The following ACOT9 variants were observed in gnomAD, a reference collection of about 807,000 sequenced individuals.
ACOT9 encodes the protein acyl-CoA thioesterase 9, also known as acyl-coenzyme A thioesterase 9, mitochondrial.
A neutral mutation model predicts 39.7 loss-of-function variants in ACOT9; 34 were observed. That is an observed-to-expected ratio of 0.86 (90% CI 0.65 to 1.14). ACOT9 has a LOEUF of 1.14. Ranked by LOEUF, ACOT9 falls within the 50% of genes most tolerant of loss-of-function variation. The pLI, the probability that ACOT9 is intolerant of heterozygous loss-of-function variation, is 0.00. For missense variants in ACOT9, 313 were observed against 344.1 expected, an observed-to-expected ratio of 0.91 and a Z score of 0.71; for synonymous variants, 110 against 120.5, an observed-to-expected ratio of 0.91 and a Z score of 0.57.
chrX:23,733,393 C>G (rs746795649), intron 3 of ACOT9, among the ~76,000 whole-genome samples, 176 bp from the exon 4 acceptor site: 4 of 111,782 alleles, frequency 3.6e-5, no homozygotes, highest in Admixed American at 9.6e-5. Context: ...CCTCTGCTCC[C>G]TAAAAACCTG....
At position 23,713,193 on chromosome X, in the gene ACOT9, A is replaced by G. The variant is rs186269629; in HGVS notation, c.604T>C (p.Phe202Leu). 1.7e-6 allele frequency: 2 copies of G among 1,202,404 alleles called. No homozygotes were observed. The highest frequency in any genetic ancestry group is 5.9e-5 in the East Asian group (2 of 33,741). Reference sequence around the variant, plus strand: ...AATGTTGCATCCAAAACAGGACAAAATTCATCACCATGTAACTGAAGAACA... The same window carrying G: ...AATGTTGCATCCAAAACAGGACAAAGTTCATCACCATGTAACTGAAGAACA... ...MQMFQLHGDE[F>L]CPVLDATFVM... Residue 202 changes from phenylalanine (F) to leucine (L), a missense_variant, in exon 9 of 16, where the codon TTT becomes CTT. Coordinates refer to ENST00000379303, the MANE Select transcript of ACOT9 (RefSeq NM_001037171.2).
At chrX:23,706,804 C>T in intron 10 of ACOT9, 65 bp from the exon 11 acceptor site, 1 of 626,848 alleles carries the variant, frequency 1.6e-6, no homozygotes, top group Non-Finnish European at 2.5e-6. Flanking sequence ...GGTATTCTGA[C>T]CTGGGATGCC....
chrX:23,724,040 A>T (rs773519311), intron 6 of ACOT9, among the ~76,000 whole-genome samples: 4 of 111,831 alleles, frequency 3.6e-5, no homozygotes, highest in Non-Finnish European at 7.5e-5. Flanking sequence ...AGGCAGGAAG[A>T]TCACTTGAGC....
chrX:23,704,858 G>C lies in ACOT9; in HGVS notation c.1108-14C>G. 2 of 1,203,135 alleles carry C rather than the reference G, an allele frequency of 1.7e-6. No individual in the cohort carries two copies. The highest frequency in any genetic ancestry group is 2.2e-6 in the Non-Finnish European group (2 of 889,858). On this transcript the variant is annotated splice_polypyrimidine_tract_variant and intron_variant, in intron 14 of 15. Coordinates refer to ENST00000379303, the MANE Select transcript of ACOT9 (RefSeq NM_001037171.2). Reference sequence around the variant, plus strand: ...AGTAAAGCATACCTAACAGATTATAGACACTATAATCAGTCAACTGCATTA... The same window carrying C: ...AGTAAAGCATACCTAACAGATTATACACACTATAATCAGTCAACTGCATTA...
At chrX:23,740,319 C>T (rs1269673116) in intron 1 of ACOT9, among the ~76,000 whole-genome samples, 2 of 109,985 alleles carry the variant, frequency 1.8e-5, no homozygotes, top group Non-Finnish European at 3.8e-5. Context: ...GTTGACCAGG[C>T]TGGTTTTGAA....
chrX:23,704,325 C>T (rs1218512122), intron 15 of ACOT9, among the ~76,000 whole-genome samples: 5 of 99,808 alleles, frequency 5.0e-5, no homozygotes, highest in African/African-American at 1.1e-4. Flanking sequence ...TGCCCGCCAC[C>T]GTGCCCGGCT....
At chrX:23,731,409 G>A (rs775519383) in intron 4 of ACOT9, among the ~76,000 whole-genome samples, 33 of 106,628 alleles carry the variant, frequency 3.1e-4, no homozygotes, top group Non-Finnish European at 5.2e-4. Context: ...CGTGGGAGGC[G>A]GAGGTTGCAA....
chrX:23,724,931 T>C (rs973813380), intron 6 of ACOT9, among the ~76,000 whole-genome samples: 7 of 110,829 alleles, frequency 6.3e-5, no homozygotes, highest in Non-Finnish European at 5.7e-5. Context: ...AGTGAGACTG[T>C]CTCTAAAAAA....
intron 9 of ACOT9, among the ~76,000 whole-genome samples, chrX:23,710,858 C>T (rs1417196122): frequency 9.1e-6 from 1 of 109,721 alleles, no homozygotes; most frequent in African/African-American, 3.3e-5. Context: ...AAAATTAGCT[C>T]GGCATGGTGG....
intron 6 of ACOT9, among the ~76,000 whole-genome samples, chrX:23,723,391 G>A (rs1477737264): frequency 4.5e-5 from 5 of 110,288 alleles, no homozygotes; most frequent in Non-Finnish European, 9.5e-5. Flanking sequence ...CAAGGCAGGC[G>A]GATCACGAGG....
rs184948673 is a variant in ACOT9, at chrX:23,705,069, G to A, written c.1031C>T (p.Pro344Leu). 2.1e-5 allele frequency: 25 copies of A among 1,208,354 alleles called. No homozygotes were observed. In the Admixed American group the frequency reaches 2.2e-4, roughly 11 times the overall value. ...GATGTCATCTACTGCTACCACAAAC[G>A]GTCGAGAACCACTGTTGGGGGAAAG... The part of the protein sequence containing the change: ...ATACSFGGSR[P>L]FVVAVDDIMF... The change falls in exon 14 of 16, where the codon CCG becomes CTG. Residue 344 changes from proline to leucine, a missense_variant. By Grantham distance (98) the Pro-to-Leu change is moderately conservative (BLOSUM62 -3). Coordinates refer to ENST00000379303, the MANE Select transcript of ACOT9 (RefSeq NM_001037171.2).
intron 15 of ACOT9, 79 bp from the exon 16 acceptor site, chrX:23,704,061 T>A: frequency 1.2e-6 from 1 of 836,797 alleles, no homozygotes; most frequent in Non-Finnish European, 1.8e-6. Context: ...AACACAAGAC[T>A]ACTTGGGAAC....
intron 9 of ACOT9, 50 bp downstream of exon 9, chrX:23,713,085 G>A (rs1928955488): frequency 2.9e-6 from 3 of 1,019,340 alleles, no homozygotes; most frequent in Non-Finnish European, 4.1e-6. Flanking sequence ...CCAGTCTTAT[G>A]TATCTTTGAA....
chrX:23,713,487 G>A (rs1365712906), intron 8 of ACOT9, among the ~76,000 whole-genome samples: 2 of 105,721 alleles, frequency 1.9e-5, no homozygotes, highest in East Asian at 6.0e-4. Context: ...ACTGAGGCAT[G>A]AGAATTGCTT....
chrX:23,742,930 G>A (rs1381107644), intron 1 of ACOT9, among the ~76,000 whole-genome samples, 195 bp downstream of exon 1: 1 of 112,938 alleles, frequency 8.9e-6, no homozygotes. Context: ...CCAAAGTGGG[G>A]GCGAGGTTCT....
At chrX:23,740,389 G>A (rs1930093976) in intron 1 of ACOT9, among the ~76,000 whole-genome samples, 1 of 110,792 alleles carries the variant, frequency 9.0e-6, no homozygotes, top group African/African-American at 3.3e-5. Context: ...TTATAGGCGT[G>A]AGCCACCGCG....
intron 15 of ACOT9, 84 bp downstream of exon 15, chrX:23,704,610 A>G (rs1928609794): frequency 2.9e-6 from 3 of 1,040,891 alleles, no homozygotes; most frequent in Non-Finnish European, 4.0e-6. Context: ...GACAGGCATC[A>G]ATACACTTCC....
intron 2 of ACOT9, among the ~76,000 whole-genome samples, chrX:23,734,961 G>A (rs1278620457): frequency 8.8e-5 from 7 of 79,651 alleles, no homozygotes; most frequent in East Asian, 4.0e-4. Context: ...CAGCCTATGC[G>A]ACAGAGTGAG....
chrX:23,737,852 G>A (rs150362877), intron 1 of ACOT9, among the ~76,000 whole-genome samples: 1,674 of 101,446 alleles, frequency 0.017, 19 homozygotes, highest in Non-Finnish European at 0.025. Context: ...CTGTACTTTC[G>A]TATACAGATT....
Sources: allele counts gnomAD v4.1 joint callset (sites outside exome capture counted in the v4.1 genomes callset), GRCh38; gene constraint gnomAD v4.1.1; transcripts MANE v1.5; gene names NCBI Gene and HGNC (gene_info 2026-07-23, HGNC 2026-07-21).